Variants in PTPN14 observed in about 807,000 individuals in gnomAD.
PTPN14 encodes the protein tyrosine-protein phosphatase non-receptor type 14.
PTPN14 carries 53 observed loss-of-function variants against 126.8 expected under a neutral mutation model. The observed-to-expected ratio is 0.42, with a 90% CI of 0.34 to 0.53. PTPN14 has a LOEUF of 0.53. PTPN14 is among the 20% of genes least tolerant of loss of function. The pLI, the probability that PTPN14 is intolerant of heterozygous loss-of-function variation, is 0.08. For missense variants in PTPN14, 1,257 were observed against 1,552.9 expected, an observed-to-expected ratio of 0.81 and a Z score of 3.20; for synonymous variants, 630 against 599.3, an observed-to-expected ratio of 1.05 and a Z score of -0.75.
At chr1:214,550,940 G>C (rs1354644583) in intron 1 of PTPN14, among the ~76,000 whole-genome samples, 2 of 152,222 alleles carry the variant, frequency 1.3e-5, no homozygotes, top group Non-Finnish European at 2.9e-5. Context: ...AAACTCCCCA[G>C]ACTGCGCTCA....
chr1:214,503,313 G>C (rs1042071277), intron 1 of PTPN14, among the ~76,000 whole-genome samples: 2 of 152,182 alleles, frequency 1.3e-5, no homozygotes, highest in African/African-American at 4.8e-5. Context: ...GAGTATTGAA[G>C]ATGAAGTAGG....
intron 1 of PTPN14, among the ~76,000 whole-genome samples, chr1:214,517,357 C>T (rs1309930569): frequency 2.0e-5 from 3 of 151,848 alleles, no homozygotes; most frequent in African/African-American, 7.3e-5. Context: ...AGGGAAAAGC[C>T]TTCAAGTATG....
chr1:214,444,983 C>G (rs573146401), intron 3 of PTPN14, among the ~76,000 whole-genome samples: 10 of 152,336 alleles, frequency 6.6e-5, no homozygotes, highest in East Asian at 3.9e-4. Context: ...TATTTATTCT[C>G]AGTTGGTTGA....
intron 5 of PTPN14, among the ~76,000 whole-genome samples, chr1:214,405,461 T>A (rs537712847): frequency 7.6e-4 from 116 of 152,276 alleles, no homozygotes; most frequent in African/African-American, 2.6e-3. Context: ...GCTAAATATA[T>A]AGTAAGTGAT....
In PTPN14 at chr1:214,394,880, G is replaced by C; in HGVS notation, c.846+19C>G. 6.3e-7 allele frequency: 1 copy of C among 1,596,552 alleles called. No individual in the cohort carries two copies. The highest frequency in any genetic ancestry group is 8.6e-7 in the Non-Finnish European group (1 of 1,164,112). ...GCCAGTGTCTTGTCAGACCCTGACTGTTTGTCTGTTGTGCTTACCGTGTGA... is the reference window on the plus strand; with the variant it reads ...GCCAGTGTCTTGTCAGACCCTGACTCTTTGTCTGTTGTGCTTACCGTGTGA... On this transcript the variant is annotated intron_variant, in intron 9 of 18. Coordinates refer to ENST00000366956, the MANE Select transcript of PTPN14 (RefSeq NM_005401.5).
chr1:214,526,888 T>C (rs777474954), intron 1 of PTPN14, among the ~76,000 whole-genome samples: 1 of 152,040 alleles, frequency 6.6e-6, no homozygotes, highest in Non-Finnish European at 1.5e-5. Flanking sequence ...GGTTGGTAGT[T>C]TGAGACCAGC....
chr1:214,532,983 G>A (rs1655592969), intron 1 of PTPN14: 2 of 765,482 alleles, frequency 2.6e-6, no homozygotes, highest in African/African-American at 1.7e-5. Flanking sequence ...AGCTGGACAA[G>A]TGCTGGTCTG....
intron 1 of PTPN14, among the ~76,000 whole-genome samples, chr1:214,536,473 T>G (rs1244059238): frequency 2.6e-5 from 4 of 152,190 alleles, no homozygotes. Flanking sequence ...GTAAAGATAC[T>G]ACAAATATTA....
chr1:214,543,630 T>A (rs941204244), intron 1 of PTPN14, among the ~76,000 whole-genome samples: 1 of 152,136 alleles, frequency 6.6e-6, no homozygotes, highest in Admixed American at 6.5e-5. Flanking sequence ...TCACTGATTC[T>A]ATAACACGTT....
Position 214,384,857 on chromosome 1 carries a change from C to T in PTPN14, c.1067-69G>A. ...TGCCACAACAAAGTACATCCTCATACTCATGAGGTGACTTTTAATTTAAAC... is the reference window on the plus strand; with the variant it reads ...TGCCACAACAAAGTACATCCTCATATTCATGAGGTGACTTTTAATTTAAAC... On this transcript the variant is annotated intron_variant, in intron 12 of 18. Transcript: ENST00000366956. This position sits in a 1 kb window ranked among gnomAD's most constrained non-coding sequence, Gnocchi z 5.3. 2 of 1,509,192 alleles carry T rather than the reference C, an allele frequency of 1.3e-6. No individual in the cohort carries two copies. The highest frequency in any genetic ancestry group is 1.8e-6 in the Non-Finnish European group (2 of 1,123,424). 93.5% of individuals were successfully genotyped at this position (1,509,192 alleles called of 1,614,324 possible).
At chr1:214,395,118 T>G in intron 8 of PTPN14, 132 bp from the exon 9 acceptor site, 2 of 822,396 alleles carry the variant, frequency 2.4e-6, no homozygotes, top group Non-Finnish European at 4.0e-6. Context: ...AAGTGAAATG[T>G]TCTTTCAAAC....
In PTPN14 at chr1:214,394,989, G is replaced by A. The variant is rs755649965; in HGVS notation, c.759-3C>T. 3 of 1,607,032 alleles carry A rather than the reference G, an allele frequency of 1.9e-6. No individual in the cohort carries two copies. The highest frequency in any genetic ancestry group is 1.1e-5 in the South Asian group (1 of 90,934). On this transcript the variant is annotated splice_region_variant and splice_polypyrimidine_tract_variant and intron_variant, in intron 8 of 18. Transcript: ENST00000366956. ...TGATATTCCCCATGTCATTCCACCT[G>A]GTTAGAAGAAATGTCACTGTGTTTA...
At chr1:214,437,241 AGT>A (rs1436319568) in intron 3 of PTPN14, among the ~76,000 whole-genome samples, 1 of 116,270 alleles carries the variant, frequency 8.6e-6, no homozygotes, top group South Asian at 2.5e-4. Flanking sequence ...TAAATCAGAC[AGT>A]GGCAAAAGAA....
intron 1 of PTPN14, chr1:214,533,314 T>A: frequency 1.8e-6 from 1 of 556,430 alleles, no homozygotes; most frequent in East Asian, 4.3e-5. Context: ...GGTCACCACC[T>A]ACCGCTGCCT....
intron 2 of PTPN14, 68 bp downstream of exon 2, chr1:214,464,562 G>C: frequency 1.3e-6 from 2 of 1,561,014 alleles, no homozygotes; most frequent in Non-Finnish European, 1.7e-6. Flanking sequence ...GGTCCCTTCG[G>C]TGAGTTCTCC....
intron 1 of PTPN14, among the ~76,000 whole-genome samples, chr1:214,538,088 G>A (rs1655750741): frequency 6.6e-6 from 1 of 152,166 alleles, no homozygotes; most frequent in African/African-American, 2.4e-5. Context: ...TGGGGCTAAA[G>A]GCTACGTTAT....
chr1:214,366,773 G>A (rs1453125999), intron 17 of PTPN14, among the ~76,000 whole-genome samples: 1 of 152,212 alleles, frequency 6.6e-6, no homozygotes, highest in East Asian at 1.9e-4. Flanking sequence ...TTGGGAGGCC[G>A]AGGCAGGCGG....
intron 5 of PTPN14, among the ~76,000 whole-genome samples, chr1:214,408,244 G>C (rs1179041327): frequency 6.6e-6 from 1 of 152,154 alleles, no homozygotes; most frequent in Non-Finnish European, 1.5e-5. Context: ...CTGGGTGTTA[G>C]TCCCCCAGGT....
chr1:214,446,338 C>T (rs944938041), intron 3 of PTPN14, among the ~76,000 whole-genome samples: 6 of 152,118 alleles, frequency 3.9e-5, no homozygotes, highest in African/African-American at 1.2e-4. Flanking sequence ...ATTCAATTAA[C>T]ACCTTAAAGT....
Sources: allele counts gnomAD v4.1 joint callset (sites outside exome capture counted in the v4.1 genomes callset), GRCh38; gene constraint gnomAD v4.1.1; non-coding constraint Gnocchi (gnomAD v3.1); transcripts MANE v1.5; gene names NCBI Gene and HGNC (gene_info 2026-07-23, HGNC 2026-07-21).